TNFRSF10B: variants seen among roughly 807,000 people sequenced by gnomAD.
The protein encoded by TNFRSF10B is tumor necrosis factor receptor superfamily member 10B.
Under a neutral mutation model 41.4 loss-of-function variants are expected in TNFRSF10B, and 35 were observed. The ratio of observed to expected loss-of-function variants is 0.85; its 90% CI spans 0.65 to 1.12. The LOEUF (loss-of-function observed/expected upper bound fraction) is 1.12. Ranked by LOEUF, TNFRSF10B falls within the 50% of genes most tolerant of loss-of-function variation. TNFRSF10B has a pLI of 0.00. For missense variants in TNFRSF10B, 584 were observed against 552.7 expected (o/e 1.06, Z -0.57); for synonymous variants, 230 against 215.5 (o/e 1.07, Z -0.59).
chr8:23,027,818 A>T (rs2293400), intron 5 of TNFRSF10B, 65 bp from the exon 6 acceptor site: 504,951 of 1,601,854 alleles, frequency 0.32, 82,679 homozygotes, highest in East Asian at 0.39. Flanking sequence ...CTCCCAGAGG[A>T]CAGTGGGGCG....
intron 2 of TNFRSF10B, among the ~76,000 whole-genome samples, chr8:23,031,137 G>A (rs899079487): frequency 1.3e-5 from 2 of 152,110 alleles, no homozygotes; most frequent in African/African-American, 4.8e-5. Flanking sequence ...GTGCAGTGGC[G>A]TGATCTCGGC....
At chr8:23,061,605 T>C (rs1468203212) in intron 1 of TNFRSF10B, among the ~76,000 whole-genome samples, 1 of 152,188 alleles carries the variant, frequency 6.6e-6, no homozygotes, top group Non-Finnish European at 1.5e-5. Context: ...TATCCTTATG[T>C]TGTTCTTAAT....
Position 23,023,001 on chromosome 8 carries a change from CAG to C in TNFRSF10B, c.1010-19_1010-18del. 6.2e-7 allele frequency: 1 copy of C among 1,607,072 alleles called. No homozygotes were observed. The highest frequency in any genetic ancestry group is 1.1e-5 in the South Asian group (1 of 91,044). ...GTCTCAGAGCTGGTGGAGAAAGCCA[CAG>C]AGACAGCCAGGTGAGTTGGGACTCA... On this transcript the variant is annotated intron_variant, in intron 8 of 8. Transcript: ENST00000276431.
chr8:23,041,054 T>A (rs1008864773), intron 2 of TNFRSF10B, among the ~76,000 whole-genome samples: 1 of 52,742 alleles, frequency 1.9e-5, no homozygotes, highest in Non-Finnish European at 2.9e-5. Context: ...ATGATAATTT[T>A]TTTTTTGTTG....
At position 23,020,923 on chromosome 8, in the gene TNFRSF10B, G is replaced by A. The variant is rs1201673570; in HGVS notation, c.*1748C>T. ...GGGGACAACGCGTGGGATGCCAGAT[G>A]GAAGTGGGAGAGGATGGAAGTGCAA... On this transcript the variant is annotated 3_prime_UTR_variant, in exon 9 of 9. Coordinates refer to ENST00000276431, the MANE Select transcript of TNFRSF10B (RefSeq NM_003842.5). 1 of 454,092 alleles carries A rather than the reference G, an allele frequency of 2.2e-6. No individual in the cohort carries two copies. Among genetic ancestry groups the A allele is most frequent in the Admixed American group, 2.3e-5 (1 of 42,568 alleles). 28.1% of individuals were successfully genotyped at this position (454,092 alleles called of 1,614,324 possible).
intron 2 of TNFRSF10B, among the ~76,000 whole-genome samples, chr8:23,042,486 G>A (rs1372246176): frequency 6.6e-6 from 1 of 152,062 alleles, no homozygotes. Flanking sequence ...GCATCTCTGG[G>A]GGCTCAAATG....
intron 7 of TNFRSF10B, among the ~76,000 whole-genome samples, chr8:23,024,813 G>A (rs1264111473): frequency 1.3e-5 from 2 of 151,852 alleles, no homozygotes; most frequent in Non-Finnish European, 1.5e-5. Flanking sequence ...GATTACAGGC[G>A]TGAGCCACTG....
At chr8:23,031,916 T>TA (rs1563309715) in intron 2 of TNFRSF10B, among the ~76,000 whole-genome samples, 1 of 148,800 alleles carries the variant, frequency 6.7e-6, no homozygotes, top group African/African-American at 2.4e-5. Flanking sequence ...AGTAGCATTT[T>TA]TTTTTTTTTT....
At chr8:23,057,739 T>C (rs959490234) in intron 1 of TNFRSF10B, among the ~76,000 whole-genome samples, 4 of 152,216 alleles carry the variant, frequency 2.6e-5, no homozygotes. Context: ...AGCTCTATTA[T>C]TGAGGACATA....
chr8:23,054,693 T>C (rs528122459), intron 1 of TNFRSF10B, among the ~76,000 whole-genome samples: 2 of 152,288 alleles, frequency 1.3e-5, no homozygotes, highest in Admixed American at 6.5e-5. Context: ...AAGTAAAGAA[T>C]GTCACTTTCT....
intron 6 of TNFRSF10B, 151 bp from the exon 7 acceptor site, chr8:23,027,439 C>A: frequency 1.0e-6 from 1 of 994,626 alleles, no homozygotes; most frequent in Non-Finnish European, 1.5e-6. Context: ...CATCCAGGAC[C>A]CGCTGCTGGG....
intron 2 of TNFRSF10B, among the ~76,000 whole-genome samples, chr8:23,042,093 C>T (rs1812218886): frequency 2.0e-5 from 3 of 152,212 alleles, no homozygotes; most frequent in African/African-American, 7.2e-5. Context: ...ACACGTCATC[C>T]ATCCACACCC....
At chr8:23,040,587 G>T (rs1450343349) in intron 2 of TNFRSF10B, among the ~76,000 whole-genome samples, 3 of 150,862 alleles carry the variant, frequency 2.0e-5, no homozygotes, top group African/African-American at 4.9e-5. Context: ...GGTGATAAGG[G>T]AGGAACAAAA....
chr8:23,056,507 C>T (rs554758594), intron 1 of TNFRSF10B, among the ~76,000 whole-genome samples: 11 of 151,974 alleles, frequency 7.2e-5, no homozygotes, highest in African/African-American at 2.2e-4. Flanking sequence ...AAAAATTAGC[C>T]GGGCATGGTG....
intron 2 of TNFRSF10B, among the ~76,000 whole-genome samples, chr8:23,035,641 C>A (rs1812011023): frequency 1.3e-5 from 2 of 152,170 alleles, no homozygotes; most frequent in South Asian, 4.1e-4. Context: ...AGAAGGACAA[C>A]AACTGGGAAA....
At chr8:23,049,750 A>T (rs1422875451) in intron 1 of TNFRSF10B, 1 of 152,006 alleles carries the variant, frequency 6.6e-6, no homozygotes, top group Non-Finnish European at 1.5e-5. Context: ...GTTCACCTGC[A>T]TCTCATTATT....
At position 23,029,703 on chromosome 8, in the gene TNFRSF10B, G is replaced by T. The variant is rs753017207; in HGVS notation, c.383C>A (p.Pro128His). Residue 128 changes from proline to histidine, a missense_variant, in exon 4 of 9, where the codon CCC (proline) becomes CAC (histidine). By Grantham distance (77) the Pro-to-His change is moderately conservative. Transcript: ENST00000276431. The part of the protein sequence containing the change: ...RCDSGEVELS[P>H]CTTTRNTVCQ... Reference sequence around the variant, plus strand: ...CACTGTGTTTCTGGTCGTGGTGCAGGGACTTAGCTCCACTTCACCTGACGA... The same window carrying T: ...CACTGTGTTTCTGGTCGTGGTGCAGTGACTTAGCTCCACTTCACCTGACGA... 1.9e-6 allele frequency: 3 copies of T among 1,613,764 alleles called. No individual in the cohort carries two copies. The highest frequency in any genetic ancestry group is 2.5e-6 in the Non-Finnish European group (3 of 1,179,938).
At chr8:23,046,627 A>C (rs1812371834) in intron 1 of TNFRSF10B, among the ~76,000 whole-genome samples, 1 of 151,672 alleles carries the variant, frequency 6.6e-6, no homozygotes, top group Non-Finnish European at 1.5e-5. Context: ...AAAAAAAAAA[A>C]AAAAAAACAC....
chr8:23,064,271 A>G (rs1453537275), intron 1 of TNFRSF10B, among the ~76,000 whole-genome samples: 3 of 152,210 alleles, frequency 2.0e-5, no homozygotes, highest in Admixed American at 1.3e-4. Context: ...ACAGGAATCC[A>G]GTGTAATGGG....
Sources: allele counts gnomAD v4.1 joint callset (sites outside exome capture counted in the v4.1 genomes callset), GRCh38; gene constraint gnomAD v4.1.1; transcripts MANE v1.5; gene names NCBI Gene and HGNC (gene_info 2026-07-23, HGNC 2026-07-21).